Variants in NAALADL2 observed in about 807,000 individuals in gnomAD.
NAALADL2 encodes the protein inactive N-acetylated-alpha-linked acidic dipeptidase-like protein 2.
NAALADL2 carries 76 observed loss-of-function variants against 87.2 expected under a neutral mutation model. The ratio of observed to expected loss-of-function variants is 0.87; its 90% CI spans 0.72 to 1.05. The LOEUF is 1.05. NAALADL2 is among the 50% of genes least tolerant of loss of function. NAALADL2 has a pLI of 0.00. For synonymous variants in NAALADL2, 354 were observed against 331.0 expected (o/e 1.07, Z -0.75); for missense variants, 1,089 against 945.8 (o/e 1.15, Z -1.99).
At chr3:175,778,818 G>A (rs529006811) in intron 13 of NAALADL2, among the ~76,000 whole-genome samples, 129 of 152,234 alleles carry the variant, frequency 8.5e-4, no homozygotes, top group Non-Finnish European at 1.2e-3. Context: ...TGTCTTGTAC[G>A]GGTAAGGGAG....
chr3:174,692,935 G>A, intron 2 of NAALADL2, among the ~76,000 whole-genome samples: 1 of 77,308 alleles, frequency 1.3e-5, no homozygotes, highest in South Asian at 3.2e-4. Context: ...CTATTTGTAG[G>A]GACCCATATG....
intron 2 of NAALADL2, among the ~76,000 whole-genome samples, chr3:175,140,840 T>C (rs2108722499): frequency 6.6e-6 from 1 of 152,232 alleles, no homozygotes; most frequent in East Asian, 1.9e-4. Flanking sequence ...AATATGTATA[T>C]AGGTGTGGTG....
At chr3:175,713,259 A>G (rs1454479450) in intron 11 of NAALADL2, among the ~76,000 whole-genome samples, 1 of 152,014 alleles carries the variant, frequency 6.6e-6, no homozygotes, top group East Asian at 1.9e-4. Flanking sequence ...ACAATTTAAA[A>G]TAAGCTGACT....
intron 1 of NAALADL2, among the ~76,000 whole-genome samples, chr3:174,506,708 C>G (rs1034210093): frequency 6.6e-6 from 1 of 152,100 alleles, no homozygotes; most frequent in Non-Finnish European, 1.5e-5. Flanking sequence ...CTTCTATCAG[C>G]AGTATTTGAA....
At chr3:175,239,539 A>G (rs2109576430) in intron 3 of NAALADL2, among the ~76,000 whole-genome samples, 1 of 152,314 alleles carries the variant, frequency 6.6e-6, no homozygotes, top group South Asian at 2.1e-4. Context: ...TTGCTGAGCA[A>G]GAGATTTTTT....
intron 3 of NAALADL2, among the ~76,000 whole-genome samples, chr3:175,252,585 AG>A (rs1167502568): frequency 3.7e-4 from 57 of 152,294 alleles, no homozygotes; most frequent in African/African-American, 1.3e-3. Flanking sequence ...TCTAAGTGAA[AG>A]GAAGAGTTAC....
chr3:174,999,590 G>A (rs1284550790), intron 1 of NAALADL2, among the ~76,000 whole-genome samples: 1 of 152,148 alleles, frequency 6.6e-6, no homozygotes, highest in Non-Finnish European at 1.5e-5. Context: ...CAGTATGGTA[G>A]CTTTATCAAA....
intron 2 of NAALADL2, among the ~76,000 whole-genome samples, chr3:174,562,003 A>G (rs1406170749): frequency 6.6e-6 from 1 of 152,196 alleles, no homozygotes; most frequent in Non-Finnish European, 1.5e-5. Flanking sequence ...TATGTGAAAA[A>G]TAATCACTAT....
chr3:175,524,220 TC>T (rs1352136506), intron 9 of NAALADL2, among the ~76,000 whole-genome samples: 1 of 152,206 alleles, frequency 6.6e-6, no homozygotes, highest in Non-Finnish European at 1.5e-5. Flanking sequence ...TTGGTTTTGG[TC>T]TTTAGGAAGA....
chr3:175,317,748 A>G (rs1482550407), intron 4 of NAALADL2, among the ~76,000 whole-genome samples: 1 of 152,236 alleles, frequency 6.6e-6, no homozygotes, highest in East Asian at 1.9e-4. Flanking sequence ...TAATTAAAAT[A>G]TATGTTTTTG....
At chr3:175,280,577 A>G (rs914894075) in intron 4 of NAALADL2, among the ~76,000 whole-genome samples, 5 of 152,062 alleles carry the variant, frequency 3.3e-5, no homozygotes, top group African/African-American at 4.8e-5. Context: ...TGCTGCTTGA[A>G]GTACATATTG....
chr3:175,318,710 G>A (rs1189629191), intron 4 of NAALADL2, among the ~76,000 whole-genome samples: 2 of 152,134 alleles, frequency 1.3e-5, no homozygotes, highest in Non-Finnish European at 2.9e-5. Flanking sequence ...GATATATGAT[G>A]AATGTAACAA....
chr3:175,494,620 T>C (rs79304830), intron 9 of NAALADL2, among the ~76,000 whole-genome samples: 15,423 of 152,072 alleles, frequency 0.1, 966 homozygotes, highest in African/African-American at 0.17. Context: ...TCCATGCTTT[T>C]TCGTTATGAA....
intron 2 of NAALADL2, among the ~76,000 whole-genome samples, chr3:174,600,058 T>G (rs1383072835): frequency 6.6e-6 from 1 of 152,274 alleles, no homozygotes; most frequent in South Asian, 2.1e-4. Flanking sequence ...TAGTTTACAG[T>G]ATTCTTTATA....
rs566670721 is a variant in NAALADL2, at chr3:174,781,254, G to A, written c.-9+43508G>A. ...ATTTTGGTGAATCTGACAATTATGTGTCTTGAGGTTGCTCTTCTTGAGGAG... is the reference window on the plus strand; with the variant it reads ...ATTTTGGTGAATCTGACAATTATGTATCTTGAGGTTGCTCTTCTTGAGGAG... On this transcript the variant is annotated intron_variant, in intron 3 of 3. Coordinates refer to the NAALADL2 transcript ENST00000434257. Among the ~76,000 whole-genome samples, 4 of 151,972 alleles carry A rather than the reference G, an allele frequency of 2.6e-5. No homozygotes were observed. In the East Asian group the frequency reaches 7.9e-4, roughly 30 times the overall value.
chr3:175,485,341 A>G (rs1001649977), intron 9 of NAALADL2, among the ~76,000 whole-genome samples: 3 of 152,114 alleles, frequency 2.0e-5, no homozygotes, highest in Admixed American at 6.6e-5. Context: ...CGACAAAACT[A>G]ATAGGATATA....
chr3:175,424,652 T>A (rs1716473298), intron 5 of NAALADL2, among the ~76,000 whole-genome samples: 1 of 152,222 alleles, frequency 6.6e-6, no homozygotes, highest in Non-Finnish European at 1.5e-5. Flanking sequence ...TATCTCTGTT[T>A]TGGTACCAGT....
chr3:175,623,059 C>A (rs965496429), intron 10 of NAALADL2, among the ~76,000 whole-genome samples: 2 of 151,928 alleles, frequency 1.3e-5, no homozygotes, highest in Admixed American at 6.6e-5. Context: ...TTAATTAAAA[C>A]TGACCTAAAA....
intron 1 of NAALADL2, among the ~76,000 whole-genome samples, chr3:174,946,585 T>C (rs1739458782): frequency 6.6e-6 from 1 of 152,226 alleles, no homozygotes; most frequent in African/African-American, 2.4e-5. Flanking sequence ...GTATTTTCTT[T>C]TATTAATCAT....
Sources: allele counts gnomAD v4.1 joint callset (sites outside exome capture counted in the v4.1 genomes callset), GRCh38; gene constraint gnomAD v4.1.1; transcripts MANE v1.5; gene names NCBI Gene and HGNC (gene_info 2026-07-23, HGNC 2026-07-21).